Variants in RBFOX1 observed in about 807,000 individuals in gnomAD.
RBFOX1 encodes RNA binding fox-1 homolog 1, also known as RNA binding protein fox-1 homolog 1.
In RBFOX1, 8 loss-of-function variants were observed where a neutral mutation model predicts 57.7. The ratio of observed to expected loss-of-function variants is 0.14; its 90% CI spans 0.08 to 0.25. RBFOX1 has a LOEUF of 0.25. RBFOX1 is among the 10% of genes least tolerant of loss of function. The pLI is 1.00. For missense variants in RBFOX1, 611 were observed against 548.5 expected (o/e 1.11, Z -1.14); for synonymous variants, 326 against 222.4 (o/e 1.47, Z -4.15).
chr16:7,173,142 T>C (rs1225162428), intron 4 of RBFOX1, among the ~76,000 whole-genome samples: 1 of 152,204 alleles, frequency 6.6e-6, no homozygotes, highest in Admixed American at 6.5e-5. Context: ...TTTCATAAAA[T>C]CTTATTTTCT....
At chr16:7,323,692 G>T (rs576922003) in intron 4 of RBFOX1, among the ~76,000 whole-genome samples, 2 of 152,288 alleles carry the variant, frequency 1.3e-5, no homozygotes, top group African/African-American at 2.4e-5. Context: ...ATGAAGAGGG[G>T]ATAAACTGAG....
At chr16:7,077,759 G>C (rs1378164109) in intron 4 of RBFOX1, among the ~76,000 whole-genome samples, 1 of 152,190 alleles carries the variant, frequency 6.6e-6, no homozygotes, top group Non-Finnish European at 1.5e-5. Flanking sequence ...AACTTGTCCT[G>C]TTAGCAGCTT....
intron 3 of RBFOX1, among the ~76,000 whole-genome samples, chr16:6,758,824 CTT>C (rs1209052671): frequency 6.6e-6 from 1 of 152,078 alleles, no homozygotes; most frequent in Non-Finnish European, 1.5e-5. Context: ...TAAAAAGAAA[CTT>C]TAACTCTGGG....
chr16:7,395,111 A>T (rs768922713), intron 4 of RBFOX1, among the ~76,000 whole-genome samples: 1 of 151,704 alleles, frequency 6.6e-6, no homozygotes, highest in South Asian at 2.1e-4. Context: ...TTGAGTTAGT[A>T]TCCAATCTGT....
chr16:7,239,238 C>T (rs1201906253), intron 4 of RBFOX1, among the ~76,000 whole-genome samples: 6 of 152,158 alleles, frequency 3.9e-5, no homozygotes, highest in Admixed American at 1.3e-4. Context: ...GTGGAATCAG[C>T]CAGTAATCCC....
chr16:6,351,792 A>G (rs1567996327), intron 2 of RBFOX1, among the ~76,000 whole-genome samples: 1 of 152,188 alleles, frequency 6.6e-6, no homozygotes, highest in East Asian at 1.9e-4. Context: ...TCAGAAATGG[A>G]AGGCAAAATA....
At chr16:6,117,080 C>T (rs967731384) in intron 1 of RBFOX1, among the ~76,000 whole-genome samples, 2 of 152,056 alleles carry the variant, frequency 1.3e-5, no homozygotes. Flanking sequence ...AGTCTGATGC[C>T]CTCACCAAAG....
chr16:6,053,332 G>A (rs1248642259), intron 1 of RBFOX1, among the ~76,000 whole-genome samples: 2 of 152,198 alleles, frequency 1.3e-5, no homozygotes, highest in Admixed American at 1.3e-4. Context: ...GCAGAAAGAA[G>A]GAAGAGTGGC....
chr16:7,709,708 G>T, intron 15 of RBFOX1: 3 of 1,035,218 alleles, frequency 2.9e-6, no homozygotes, highest in Non-Finnish European at 3.5e-6. Flanking sequence ...GGGTTTGGGG[G>T]TTGCCTTTTG....
intron 3 of RBFOX1, among the ~76,000 whole-genome samples, chr16:6,688,789 C>A (rs2059805105): frequency 6.6e-6 from 1 of 152,116 alleles, no homozygotes; most frequent in South Asian, 2.1e-4. Context: ...CCTTCCCTAG[C>A]CCACCACCTC....
At chr16:6,289,935 G>A (rs1174320560) in intron 1 of RBFOX1, among the ~76,000 whole-genome samples, 1 of 152,098 alleles carries the variant, frequency 6.6e-6, no homozygotes, top group African/African-American at 2.4e-5. Context: ...TTTGATAGTT[G>A]AGAATGAAAT....
intron 2 of RBFOX1, among the ~76,000 whole-genome samples, chr16:6,505,984 A>G (rs551134819): frequency 3.3e-5 from 5 of 152,276 alleles, no homozygotes; most frequent in African/African-American, 1.2e-4. Context: ...ACATCATCAC[A>G]ATAGCAAACC....
intron 2 of RBFOX1, among the ~76,000 whole-genome samples, chr16:6,407,553 G>T (rs2093326925): frequency 1.3e-5 from 1 of 79,156 alleles, no homozygotes; most frequent in Non-Finnish European, 2.4e-5. Context: ...GTGTGTGTGT[G>T]TGTGTGTGTG....
chr16:5,701,068 C>A (rs766210), intron 3 of RBFOX1, among the ~76,000 whole-genome samples: 82,805 of 152,104 alleles, frequency 0.54, 25,992 homozygotes, highest in Non-Finnish European at 0.72. Context: ...TTTTAATAGC[C>A]TCTCATCCCC....
intron 3 of RBFOX1, among the ~76,000 whole-genome samples, chr16:7,043,931 AAAAC>A (rs1162990115): frequency 3.3e-5 from 5 of 152,210 alleles, no homozygotes; most frequent in Admixed American, 6.6e-5. Flanking sequence ...AGACAAAACA[AAAAC>A]AAACAAAATA....
chr16:5,605,017 G>T (rs1184972431), downstream of RBFOX1, among the ~76,000 whole-genome samples: 1 of 152,208 alleles, frequency 6.6e-6, no homozygotes, highest in Non-Finnish European at 1.5e-5. Context: ...CTTCTCTACA[G>T]CCCGCGCACA....
intron 14 of RBFOX1, among the ~76,000 whole-genome samples, chr16:7,701,627 G>T (rs1027216295): frequency 1.3e-5 from 2 of 152,148 alleles, no homozygotes; most frequent in African/African-American, 4.8e-5. Context: ...GACTGGTTTA[G>T]TTCCTCCAAC....
chr16:5,498,623 G>GAAGAT (rs1405544987), intron 2 of RBFOX1, among the ~76,000 whole-genome samples: 1 of 152,248 alleles, frequency 6.6e-6, no homozygotes, highest in Non-Finnish European at 1.5e-5. Flanking sequence ...TTAGGCAGGA[G>GAAGAT]AAGATGATAG....
intron 4 of RBFOX1, among the ~76,000 whole-genome samples, chr16:7,364,773 T>G (rs2097405994): frequency 6.6e-6 from 1 of 152,160 alleles, no homozygotes; most frequent in African/African-American, 2.4e-5. Flanking sequence ...CTCTCTAAGG[T>G]AATCTGTTGG....
Sources: allele counts gnomAD v4.1 joint callset (sites outside exome capture counted in the v4.1 genomes callset), GRCh38; gene constraint gnomAD v4.1.1; transcripts MANE v1.5; gene names NCBI Gene and HGNC (gene_info 2026-07-23, HGNC 2026-07-21).